Variants in PCDHGB1 observed in about 807,000 individuals in gnomAD.
PCDHGB1 encodes the protein protocadherin gamma subfamily B, 1.
A neutral mutation model predicts 56.6 loss-of-function variants in PCDHGB1; 34 were observed. The observed-to-expected ratio is 0.60, with a 90% CI of 0.46 to 0.80. PCDHGB1 has a LOEUF of 0.80. Ranked by LOEUF, PCDHGB1 falls within the 30% of genes least tolerant of loss-of-function variation. The pLI is 0.00. For missense variants in PCDHGB1, 1,278 were observed against 1,204.6 expected (o/e 1.06, Z -0.90); for synonymous variants, 561 against 505.9 (o/e 1.11, Z -1.46).
At chr5:141,375,787 C>T (rs759753735) in intron 1 of PCDHGB1, 1 of 1,614,256 alleles carries the variant, frequency 6.2e-7, no homozygotes, top group South Asian at 1.1e-5. Flanking sequence ...CCGCCCTCCC[C>T]ACAGACGGTT....
At chr5:141,403,875 A>T in intron 1 of PCDHGB1, 1 of 1,613,816 alleles carries the variant, frequency 6.2e-7, no homozygotes, top group Non-Finnish European at 8.5e-7. Flanking sequence ...AAAAGTCTAG[A>T]TTATGAAGAA....
Position 141,491,739 on chromosome 5 carries a change from C to A in PCDHGB1, c.2410-3068C>A, listed in dbSNP as rs372183034. ...CGCCGCCCCGGGCGACCCCTGGGGG[C>A]GGCACTGGAGAAGCCGCCCGTCCTC... On this transcript the variant is annotated intron_variant, in intron 1 of 3. Transcript: ENST00000523390. The surrounding 1 kb of genome is among the most constrained non-coding windows in gnomAD (Gnocchi z 6.9). 2 of 1,598,886 alleles carry A rather than the reference C, an allele frequency of 1.3e-6. No individual in the cohort carries two copies. The highest frequency in any genetic ancestry group is 1.3e-5 in the African/African-American group (1 of 74,290).
At chr5:141,441,655 C>A in intron 1 of PCDHGB1, 1 of 247,430 alleles carries the variant, frequency 4.0e-6, no homozygotes. Context: ...TTCTAGGTGT[C>A]CTTGAGCGCA....
At chr5:141,483,648 TTGTGTGTGTG>T (rs111458813) in intron 1 of PCDHGB1, among the ~76,000 whole-genome samples, 35 of 149,708 alleles carry the variant, frequency 2.3e-4, no homozygotes, top group Non-Finnish European at 4.6e-4. Flanking sequence ...GGGTGTGTGT[TTGTGTGTGTG>T]TGTGTGTGTG....
intron 1 of PCDHGB1, among the ~76,000 whole-genome samples, chr5:141,449,607 A>G (rs1279835785): frequency 1.3e-5 from 2 of 149,984 alleles, no homozygotes; most frequent in African/African-American, 4.9e-5. Flanking sequence ...AAAAAAAAAA[A>G]GTAAAAAAGT....
rs1167791830 is a variant in PCDHGB1 at position 141,420,032 on chromosome 5, G to A, written c.2409+67363G>A. 6.2e-7 allele frequency: 1 copy of A among 1,613,956 alleles called. No individual in the cohort carries two copies. Among genetic ancestry groups the A allele is most frequent in the Non-Finnish European group, 8.5e-7 (1 of 1,179,920 alleles). ...ACAGTCTTTCAGCCCTACTGCAGGA[G>A]ACTGCTTTGAGTCAGTTCTCTGCTC... On this transcript the variant is annotated intron_variant, in intron 1 of 3. Coordinates refer to ENST00000523390, the MANE Select transcript of PCDHGB1 (RefSeq NM_018922.3).
chr5:141,472,079 G>T (rs2099271048), intron 1 of PCDHGB1, among the ~76,000 whole-genome samples: 1 of 152,124 alleles, frequency 6.6e-6, no homozygotes, highest in African/African-American at 2.4e-5. Flanking sequence ...TTATATCAAT[G>T]AGTACTATTA....
At chr5:141,427,132 G>A (rs755992698) in intron 1 of PCDHGB1, 1 of 457,106 alleles carries the variant, frequency 2.2e-6, no homozygotes, top group South Asian at 1.5e-5. Flanking sequence ...AAATCCCTAC[G>A]AGATGATATT....
chr5:141,500,350 A>G (rs2099799466), intron 2 of PCDHGB1, among the ~76,000 whole-genome samples: 1 of 151,976 alleles, frequency 6.6e-6, no homozygotes, highest in African/African-American at 2.4e-5. Flanking sequence ...CTGGGACTAC[A>G]GGCGCCCACT....
Position 141,350,114 on chromosome 5 carries a change from C to G in PCDHGB1, c.-147C>G. 1 of 569,488 alleles carries G rather than the reference C, an allele frequency of 1.8e-6. No individual in the cohort carries two copies. The allele number at this position is 569,488 out of a possible 1,614,324, so 35.3% of individuals were successfully genotyped here. A position where few individuals can be genotyped will look rare whatever the true frequency, so the allele number is the denominator to read the frequency against. On this transcript the variant is annotated 5_prime_UTR_variant, in exon 1 of 4. Coordinates refer to ENST00000523390, the MANE Select transcript of PCDHGB1 (RefSeq NM_018922.3). ...CAGGCAGGGTGCCTTCCTGCTTTGT[C>G]CGGTGCACTGAGCACAGACGCTGCT...
intron 1 of PCDHGB1, among the ~76,000 whole-genome samples, chr5:141,387,032 T>C (rs993852019): frequency 6.6e-6 from 1 of 152,202 alleles, no homozygotes; most frequent in Admixed American, 6.5e-5. Context: ...TTGTATTTCA[T>C]AACCAGTAAA....
At chr5:141,399,798 G>C in intron 1 of PCDHGB1, 1 of 1,613,236 alleles carries the variant, frequency 6.2e-7, no homozygotes, top group Non-Finnish European at 8.5e-7. Flanking sequence ...ACGCACCGCG[G>C]GTGCTGTACC....
At chr5:141,501,329 ACACAC>A (rs1562200854) in intron 2 of PCDHGB1, among the ~76,000 whole-genome samples, 2 of 148,226 alleles carry the variant, frequency 1.3e-5, no homozygotes, top group Non-Finnish European at 3.0e-5. Flanking sequence ...ACACACACAC[ACACAC>A]CCCAAACTCA....
chr5:141,356,073 A>G, intron 1 of PCDHGB1: 1 of 1,613,872 alleles, frequency 6.2e-7, no homozygotes, highest in Non-Finnish European at 8.5e-7. Context: ...TATCACAGCT[A>G]TTTCAGTTGA....
At chr5:141,427,515 G>A (rs753526003) in intron 1 of PCDHGB1, 16 of 596,944 alleles carry the variant, frequency 2.7e-5, no homozygotes, top group African/African-American at 2.2e-4. Context: ...CCTGGATTGG[G>A]AGCGGATCCC....
intron 1 of PCDHGB1, chr5:141,356,860 G>T: frequency 6.2e-7 from 1 of 1,614,170 alleles, no homozygotes; most frequent in Non-Finnish European, 8.5e-7. Context: ...CTTTGTGCTG[G>T]ACCAGAACGA....
At chr5:141,410,340 T>C (rs1408707323) in intron 1 of PCDHGB1, 5 of 1,614,068 alleles carry the variant, frequency 3.1e-6, no homozygotes, top group Non-Finnish European at 2.5e-6. Context: ...GCCATTGCCT[T>C]GCGCCTGCGA....
intron 1 of PCDHGB1, chr5:141,408,178 G>A (rs1425207794): frequency 1.3e-6 from 2 of 1,535,708 alleles, no homozygotes; most frequent in Non-Finnish European, 1.8e-6. Context: ...GAAAAGCGGG[G>A]ACCCAGCGAG....
intron 1 of PCDHGB1, chr5:141,415,740 G>GTTTTTTTTTTTTTTTTTTTTTTTTT: frequency 1.8e-5 from 11 of 617,990 alleles, no homozygotes; most frequent in Non-Finnish European, 2.4e-5. Context: ...GTTTATTAAG[G>GTTTTTTTTTTTTTTTTTTTTTTTTT]TTTTTTTTTT....
Sources: allele counts gnomAD v4.1 joint callset (sites outside exome capture counted in the v4.1 genomes callset), GRCh38; gene constraint gnomAD v4.1.1; non-coding constraint Gnocchi (gnomAD v3.1); transcripts MANE v1.5; gene names NCBI Gene and HGNC (gene_info 2026-07-23, HGNC 2026-07-21).